Variants in SYCP1 observed in about 807,000 individuals in gnomAD.
SYCP1 encodes the protein synaptonemal complex protein 1, also known as cancer/testis antigen 8.
SYCP1 carries 64 observed loss-of-function variants against 153.1 expected under a neutral mutation model. The ratio of observed to expected loss-of-function variants is 0.42; its 90% CI spans 0.34 to 0.51. The LOEUF is 0.51. Ranked by LOEUF, SYCP1 falls within the 20% of genes least tolerant of loss-of-function variation. SYCP1 has a pLI of 0.06. For missense variants in SYCP1, 997 were observed against 1,049.0 expected, an observed-to-expected ratio of 0.95 and a Z score of 0.68; for synonymous variants, 384 against 341.8, an observed-to-expected ratio of 1.12 and a Z score of -1.36.
intron 28 of SYCP1, among the ~76,000 whole-genome samples, chr1:114,979,277 C>A (rs1672998483): frequency 6.6e-6 from 1 of 151,410 alleles, no homozygotes. Flanking sequence ...AATAATAATA[C>A]CTATTTCCTA....
At position 114,870,349 on chromosome 1, in the gene SYCP1, C is replaced by A. The variant is rs539360648; in HGVS notation, c.599-4157C>A. Among the ~76,000 whole-genome samples, 5 of 152,280 alleles carry A rather than the reference C, an allele frequency of 3.3e-5. No individual in the cohort carries two copies. The East Asian group carries it at 9.7e-4, about 29-fold the overall frequency. Reference sequence around the variant, plus strand: ...TTGAAATGGCCCTCTTTATATCTGACAACTTTCCTTGCTTTGAAGTTGGCT... The same window carrying A: ...TTGAAATGGCCCTCTTTATATCTGAAAACTTTCCTTGCTTTGAAGTTGGCT... On this transcript the variant is annotated intron_variant, in intron 8 of 31. Coordinates refer to ENST00000369522, the MANE Select transcript of SYCP1 (RefSeq NM_003176.4).
In SYCP1 at chr1:114,994,719, A is replaced by G. The variant is rs1570936460; in HGVS notation, c.2725A>G (p.Thr909Ala). 1 of 1,569,988 alleles carries G rather than the reference A, an allele frequency of 6.4e-7. No homozygotes were observed. Reference protein sequence around the residue: ...DLLSMVSEEETLKTLYRNNNP... With the variant: ...DLLSMVSEEEALKTLYRNNNP... The stretch of plus-strand genomic sequence containing the variant: ...CAAGAGCATGGTTTCAGAAGAAGAG[A>G]CATTGAAAACACTGTATAGGAACAA... The change falls in exon 31 of 32, where the codon ACA (threonine) becomes GCA (alanine). Residue 909 changes from threonine (T) to alanine (A), a missense_variant. Transcript: ENST00000369522.
intron 27 of SYCP1, among the ~76,000 whole-genome samples, chr1:114,976,802 C>T (rs539689997): frequency 6.6e-6 from 1 of 151,820 alleles, no homozygotes; most frequent in East Asian, 1.9e-4. Context: ...AGGAGCAATG[C>T]TATGGGAGAG....
rs1219277357 is a variant in SYCP1, at chr1:114,981,233, T to G, written c.2383-103T>G. ...TGATAAATTTAGGGATAAATTTGCT[T>G]ATTTTGTTGTGAATTCTACTAGTTG... On this transcript the variant is annotated intron_variant, in intron 28 of 31. Coordinates refer to ENST00000369522, the MANE Select transcript of SYCP1 (RefSeq NM_003176.4). 3 of 870,424 alleles carry G rather than the reference T, an allele frequency of 3.4e-6. No individual in the cohort carries two copies. The East Asian group carries it at 8.3e-5, about 24-fold the overall frequency. 53.9% of individuals were successfully genotyped at this position (870,424 alleles called of 1,614,324 possible).
chr1:114,917,599 C>T (rs1353059314), intron 20 of SYCP1, among the ~76,000 whole-genome samples: 1 of 152,144 alleles, frequency 6.6e-6, no homozygotes, highest in African/African-American at 2.4e-5. Flanking sequence ...TTCCCACCAG[C>T]AGTGTATGAG....
intron 27 of SYCP1, among the ~76,000 whole-genome samples, chr1:114,973,826 C>T (rs938866194): frequency 1.6e-4 from 25 of 151,726 alleles, no homozygotes; most frequent in Non-Finnish European, 1.3e-4. Context: ...CTTCAAATTT[C>T]TTATATATTT....
At position 114,946,314 on chromosome 1, in the gene SYCP1, A is replaced by G; in HGVS notation, c.2180A>G (p.Glu727Gly). ...CACCAATATGATAAGATCATTGAAG[A>G]AAGAGACTCAGAATTAGGACTTTAT... The part of the protein sequence containing the change: ...HKHQYDKIIE[E>G]RDSELGLYKS... The change falls in exon 26 of 32, where the codon GAA becomes GGA. Residue 727 changes from glutamate to glycine, a missense_variant. By Grantham distance (98) the Glu-to-Gly change is moderately conservative (BLOSUM62 -2). Transcript: ENST00000369522. 1.3e-6 allele frequency: 2 copies of G among 1,584,438 alleles called. No individual in the cohort carries two copies. The highest frequency in any genetic ancestry group is 8.6e-7 in the Non-Finnish European group (1 of 1,168,442).
At chr1:114,884,165 G>C (rs17032950) in intron 12 of SYCP1, among the ~76,000 whole-genome samples, 3 of 152,156 alleles carry the variant, frequency 2.0e-5, no homozygotes, top group Admixed American at 2.0e-4. Flanking sequence ...CTCTGAGCAA[G>C]TTATATAAGT....
At chr1:114,909,589 G>A (rs1038840465) in intron 16 of SYCP1, among the ~76,000 whole-genome samples, 2 of 151,862 alleles carry the variant, frequency 1.3e-5, no homozygotes, top group African/African-American at 4.8e-5. Context: ...TTCAGTGGGA[G>A]AGTTGGTCTC....
intron 27 of SYCP1, among the ~76,000 whole-genome samples, chr1:114,972,747 T>C (rs981424264): frequency 7.2e-5 from 11 of 152,174 alleles, no homozygotes; most frequent in African/African-American, 2.4e-4. Flanking sequence ...GTTTATTTCA[T>C]TGTTGTCAGA....
At chr1:114,920,981 T>C (rs956516293) in intron 20 of SYCP1, among the ~76,000 whole-genome samples, 3 of 152,148 alleles carry the variant, frequency 2.0e-5, no homozygotes, top group Non-Finnish European at 4.4e-5. Flanking sequence ...TTACATTCAA[T>C]GTTATTATTG....
chr1:114,948,806 T>C (rs181243652), intron 27 of SYCP1, among the ~76,000 whole-genome samples: 40 of 152,338 alleles, frequency 2.6e-4, no homozygotes, highest in Admixed American at 1.6e-3. Context: ...AGATTCATGC[T>C]TACCTTTATC....
At chr1:114,870,270 C>G (rs1335238691) in intron 8 of SYCP1, among the ~76,000 whole-genome samples, 2 of 152,164 alleles carry the variant, frequency 1.3e-5, no homozygotes, top group African/African-American at 4.8e-5. Flanking sequence ...TCCTCATCCT[C>G]TCAAAGTACT....
At position 114,860,696 on chromosome 1, in the gene SYCP1, G is replaced by A. The variant is rs957505743; in HGVS notation, c.525-40G>A. 5.7e-6 allele frequency: 8 copies of A among 1,399,638 alleles called. No homozygotes were observed. In the Admixed American group the frequency reaches 1.5e-4, roughly 27 times the overall value. The allele number at this position is 1,399,638 out of a possible 1,614,324, so 86.7% of individuals were successfully genotyped here. On this transcript the variant is annotated intron_variant, in intron 7 of 31. Coordinates refer to ENST00000369522, the MANE Select transcript of SYCP1 (RefSeq NM_003176.4). ...CTTATATATTGTGATTTTGCTTTGA[G>A]ATCAGATTACACACAGGCAAACTCT...
chr1:114,919,233 A>G (rs915354233), intron 20 of SYCP1, among the ~76,000 whole-genome samples: 1 of 152,106 alleles, frequency 6.6e-6, no homozygotes, highest in Non-Finnish European at 1.5e-5. Flanking sequence ...GAATTTTATC[A>G]AATGCTTTTC....
At chr1:114,963,049 A>G (rs1004488785) in intron 27 of SYCP1, among the ~76,000 whole-genome samples, 2 of 152,182 alleles carry the variant, frequency 1.3e-5, no homozygotes, top group African/African-American at 4.8e-5. Flanking sequence ...CTGTTAATCC[A>G]ATAGGTTTTC....
intron 30 of SYCP1, among the ~76,000 whole-genome samples, chr1:114,987,802 T>C (rs1673619050): frequency 1.3e-5 from 2 of 151,950 alleles, no homozygotes; most frequent in Admixed American, 6.6e-5. Flanking sequence ...TTGGAATTAC[T>C]AGACAAAGAC....
At chr1:114,968,872 C>A (rs1244427152) in intron 27 of SYCP1, among the ~76,000 whole-genome samples, 1 of 152,112 alleles carries the variant, frequency 6.6e-6, no homozygotes, top group Middle Eastern at 3.2e-3. Flanking sequence ...GCGTGGGCAT[C>A]CTTTTAGTTG....
chr1:114,872,393 T>G (rs1665209941), intron 8 of SYCP1, among the ~76,000 whole-genome samples: 1 of 152,222 alleles, frequency 6.6e-6, no homozygotes, highest in Non-Finnish European at 1.5e-5. Context: ...CTGCGTGGTT[T>G]CTGAGGAGGA....
Sources: allele counts gnomAD v4.1 joint callset (sites outside exome capture counted in the v4.1 genomes callset), GRCh38; gene constraint gnomAD v4.1.1; transcripts MANE v1.5; gene names NCBI Gene and HGNC (gene_info 2026-07-23, HGNC 2026-07-21).